Variants in ZYG11A observed in about 807,000 individuals in gnomAD.
ZYG11A encodes the protein zyg-11 family member A, cell cycle regulator, also known as protein zyg-11 homolog A.
A neutral mutation model predicts 77.2 loss-of-function variants in ZYG11A; 62 were observed. The ratio of observed to expected loss-of-function variants is 0.80; its 90% CI spans 0.65 to 0.99. The LOEUF (loss-of-function observed/expected upper bound fraction) is 0.99. ZYG11A is among the 50% of genes least tolerant of loss of function. The probability of loss-of-function intolerance (pLI) is 0.00; values close to 1 mark genes in which losing one functional copy is unlikely to be tolerated. For missense variants in ZYG11A, 828 were observed against 896.8 expected, an observed-to-expected ratio of 0.92 and a Z score of 0.98; for synonymous variants, 315 against 324.6, an observed-to-expected ratio of 0.97 and a Z score of 0.32.
chr1:52,854,869 CTTTG>C (rs1645780177), intron 2 of ZYG11A, among the ~76,000 whole-genome samples: 2 of 123,014 alleles, frequency 1.6e-5, no homozygotes, highest in South Asian at 5.5e-4. Flanking sequence ...TGCTCTCTAG[CTTTG>C]TTTTTTTTTT....
chr1:52,873,713 C>T (rs746035303), intron 8 of ZYG11A, among the ~76,000 whole-genome samples: 5 of 152,192 alleles, frequency 3.3e-5, no homozygotes, highest in South Asian at 4.2e-4. Flanking sequence ...AGGCCAGGTG[C>T]GGTGGTTCAT....
At chr1:52,856,946 G>A in intron 2 of ZYG11A, 52 bp from the exon 3 acceptor site, 1 of 1,462,742 alleles carries the variant, frequency 6.8e-7, no homozygotes, top group Non-Finnish European at 9.1e-7. Context: ...TTTTATCCTG[G>A]AAAGACATGA....
chr1:52,883,324 A>G (rs1162949135), intron 11 of ZYG11A, among the ~76,000 whole-genome samples: 2 of 151,950 alleles, frequency 1.3e-5, no homozygotes, highest in East Asian at 3.9e-4. Context: ...CGATTTCACC[A>G]TGTTGGCCAA....
In ZYG11A at chr1:52,886,937, G is replaced by T; in HGVS notation, c.2007-19G>T. 7.3e-7 allele frequency: 1 copy of T among 1,371,552 alleles called. No homozygotes were observed. Among genetic ancestry groups the T allele is most frequent in the Non-Finnish European group, 1.0e-6 (1 of 985,268 alleles). 85.0% of individuals were successfully genotyped at this position (1,371,552 alleles called of 1,614,324 possible). A position where few individuals can be genotyped will look rare whatever the true frequency, so the allele number is the denominator to read the frequency against. ...CTAACTGTTCTGGATTAACATCTTT[G>T]TACTTTTTTTTGTTTTAGATCTTTC... On this transcript the variant is annotated intron_variant, in intron 12 of 13. Coordinates refer to ENST00000371528, the MANE Select transcript of ZYG11A (RefSeq NM_001004339.3).
intron 1 of ZYG11A, among the ~76,000 whole-genome samples, chr1:52,846,494 A>G (rs1645587940): frequency 6.6e-6 from 1 of 150,848 alleles, no homozygotes; most frequent in Admixed American, 6.6e-5. Context: ...CTGGGACTAT[A>G]GGTGCACGCC....
At chr1:52,874,060 A>G (rs1646218149) in intron 8 of ZYG11A, among the ~76,000 whole-genome samples, 1 of 152,128 alleles carries the variant, frequency 6.6e-6, no homozygotes, top group African/African-American at 2.4e-5. Context: ...TGATGGGGCA[A>G]ACATCATTGC....
chr1:52,853,065 C>T (rs554430847), intron 1 of ZYG11A, among the ~76,000 whole-genome samples: 2 of 152,288 alleles, frequency 1.3e-5, no homozygotes, highest in South Asian at 4.2e-4. Context: ...CTCTTCTAAG[C>T]ATTGGAGCCC....
chr1:52,876,540 G>A (rs1646264721), intron 8 of ZYG11A, among the ~76,000 whole-genome samples: 1 of 152,130 alleles, frequency 6.6e-6, no homozygotes, highest in African/African-American at 2.4e-5. Context: ...AGTAGTAATA[G>A]TGCACAGTTA....
In ZYG11A at chr1:52,892,878, T is replaced by C; in HGVS notation, c.2201T>C (p.Ile734Thr). The change falls in exon 14 of 14, where the codon ATT becomes ACT. Residue 734 changes from isoleucine to threonine, a missense_variant. Physicochemically the swap from Ile to Thr is moderately conservative, Grantham distance 89 (BLOSUM62 -1). Transcript: ENST00000371528. ...HSEATPKAQQ[I>T]AASILDDFRM... ...GAGGCAACCCCCAAAGCACAGCAGATTGCAGCCTCCATTCTGGATGACTTC... is the reference window on the plus strand; with the variant it reads ...GAGGCAACCCCCAAAGCACAGCAGACTGCAGCCTCCATTCTGGATGACTTC... 1.3e-6 allele frequency: 2 copies of C among 1,551,806 alleles called. No individual in the cohort carries two copies. Among genetic ancestry groups the C allele is most frequent in the Admixed American group, 2.0e-5 (1 of 51,000 alleles).
At chr1:52,890,005 G>A (rs1022498163) in intron 13 of ZYG11A, among the ~76,000 whole-genome samples, 12 of 149,176 alleles carry the variant, frequency 8.0e-5, no homozygotes, top group Admixed American at 6.7e-4. Flanking sequence ...GAGCCACGGC[G>A]CCTGGCCTCA....
chr1:52,870,962 T>C (rs1197709658), intron 8 of ZYG11A, among the ~76,000 whole-genome samples: 1 of 152,190 alleles, frequency 6.6e-6, no homozygotes, highest in Non-Finnish European at 1.5e-5. Context: ...TGGGTGCATG[T>C]ATTTTCTCCC....
In ZYG11A at chr1:52,857,140, T is replaced by C. The variant is rs939528235; in HGVS notation, c.399T>C (p.Thr133=). Residue 133 remains threonine (T), a synonymous_variant, in exon 3 of 14, where the codon ACT becomes ACC. Coordinates refer to ENST00000371528, the MANE Select transcript of ZYG11A (RefSeq NM_001004339.3). ...CRHKLIELNA[T]AVHADLPVPD... ...ATAAGCTCATTGAACTGAATGCTAC[T>C]GCAGTGCACGCTGACCTCCCAGTTC... The C allele has an allele frequency of 6.4e-7, 1 of 1,551,948 alleles. No homozygotes were observed. Among genetic ancestry groups the C allele is most frequent in the African/African-American group, 1.4e-5 (1 of 73,172 alleles).
intron 4 of ZYG11A, among the ~76,000 whole-genome samples, chr1:52,862,378 C>G (rs536739355): frequency 2.5e-3 from 357 of 142,404 alleles, no homozygotes; most frequent in Non-Finnish European, 4.2e-3. Context: ...GTGGCTTGAT[C>G]TCCGCTCACT....
At position 52,843,286 on chromosome 1, in the gene ZYG11A, G is replaced by T. The variant is rs533086224; in HGVS notation, c.90+313G>T. On this transcript the variant is annotated intron_variant, in intron 1 of 13. Transcript: ENST00000371528. ...GGGGCGAGCCTCCTCAGGATTCCTC[G>T]CCCCAGTGCGGGCTGCTGTGAGCTT... 1.8e-3 allele frequency among the ~76,000 whole-genome samples: 269 copies of T among 152,314 alleles called. 2 individuals carry two copies. Among genetic ancestry groups the T allele is most frequent in the African/African-American group, 6.2e-3 (256 of 41,576 alleles).
At chr1:52,851,154 C>T (rs559566343) in intron 1 of ZYG11A, among the ~76,000 whole-genome samples, 2 of 152,094 alleles carry the variant, frequency 1.3e-5, no homozygotes, top group Admixed American at 1.3e-4. Flanking sequence ...AAGCAATTCT[C>T]CTGCCTCAGC....
chr1:52,847,450 T>A (rs1645611582), intron 1 of ZYG11A, among the ~76,000 whole-genome samples: 1 of 152,018 alleles, frequency 6.6e-6, no homozygotes, highest in African/African-American at 2.4e-5. Context: ...TCGGCCCGCC[T>A]TGGCCTCCCA....
chr1:52,872,978 T>C (rs1646197781), intron 8 of ZYG11A, among the ~76,000 whole-genome samples: 1 of 152,026 alleles, frequency 6.6e-6, no homozygotes, highest in African/African-American at 2.4e-5. Flanking sequence ...CTGATGAATC[T>C]GGACAAAGTA....
At chr1:52,848,447 T>C (rs1348064517) in intron 1 of ZYG11A, among the ~76,000 whole-genome samples, 3 of 152,200 alleles carry the variant, frequency 2.0e-5, no homozygotes, top group Non-Finnish European at 4.4e-5. Context: ...TGGGTCTGTT[T>C]TGCTTCCGAA....
In ZYG11A at chr1:52,862,956, T is replaced by C. The variant is rs887118064; in HGVS notation, c.1150-1025T>C. Among the ~76,000 whole-genome samples, 16 of 152,140 alleles carry C rather than the reference T, an allele frequency of 1.1e-4. No homozygotes were observed. In the East Asian group the frequency reaches 2.7e-3, roughly 26 times the overall value. On this transcript the variant is annotated intron_variant, in intron 4 of 13. Transcript: ENST00000371528. ...GCCCCACCATGCCTGGCTGTTTTTT[T>C]TGTTTTTTCTGTAAAGATGAGGTCT...
Sources: gnomAD v4.1 joint callset for allele counts (sites outside exome capture counted in the v4.1 genomes callset) on GRCh38, gnomAD v4.1.1 for gene constraint, MANE v1.5 for transcripts, NCBI Gene and HGNC (gene_info 2026-07-23, HGNC 2026-07-21) for gene names.